The following ADCK1 variants were observed in gnomAD, a reference collection of about 807,000 sequenced individuals.
The protein encoded by ADCK1 is aarF domain-containing protein kinase 1.
In ADCK1, 41 loss-of-function variants were observed where a neutral mutation model predicts 52.3. The ratio of observed to expected loss-of-function variants is 0.78; its 90% CI spans 0.61 to 1.02. The LOEUF is 1.02. Among genes scored for constraint, ADCK1 ranks in the 50% least tolerant of loss-of-function variants. The probability of loss-of-function intolerance (pLI) is 0.00; values close to 1 mark genes in which losing one functional copy is unlikely to be tolerated. For missense variants in ADCK1, 658 were observed against 679.5 expected, an observed-to-expected ratio of 0.97 and a Z score of 0.35; for synonymous variants, 250 against 274.6, an observed-to-expected ratio of 0.91 and a Z score of 0.89.
intron 6 of ADCK1, among the ~76,000 whole-genome samples, chr14:77,907,085 T>G (rs1595066684): frequency 6.6e-6 from 1 of 152,194 alleles, no homozygotes; most frequent in East Asian, 1.9e-4. Context: ...GGCTAATTTT[T>G]GTATTTACTG....
At chr14:77,800,222 C>T (rs2081078614) in intron 1 of ADCK1, 52 bp downstream of exon 1, 1 of 152,314 alleles carries the variant, frequency 6.6e-6, no homozygotes, top group African/African-American at 2.4e-5. Flanking sequence ...GCCGACCAGC[C>T]TGGCAGGGCC....
chr14:77,930,517 C>T (rs2084303092), intron 9 of ADCK1, among the ~76,000 whole-genome samples: 1 of 152,094 alleles, frequency 6.6e-6, no homozygotes, highest in Non-Finnish European at 1.5e-5. Context: ...GATTAGAGGA[C>T]TTACCCAGAG....
At chr14:77,855,642 A>T (rs1309224707) in intron 3 of ADCK1, among the ~76,000 whole-genome samples, 1 of 152,158 alleles carries the variant, frequency 6.6e-6, no homozygotes, top group African/African-American at 2.4e-5. Context: ...GACCTTGCGG[A>T]CAGTGTGGGC....
intron 5 of ADCK1, among the ~76,000 whole-genome samples, chr14:77,889,007 G>C (rs143996037): frequency 9.1e-4 from 138 of 152,276 alleles, no homozygotes; most frequent in South Asian, 4.2e-3. Flanking sequence ...TTCCCATGCT[G>C]TTCTCATGAC....
chr14:77,889,631 G>A (rs999966415), intron 5 of ADCK1, among the ~76,000 whole-genome samples: 4 of 152,228 alleles, frequency 2.6e-5, no homozygotes, highest in African/African-American at 9.6e-5. Context: ...CTAGCTGGCA[G>A]CAAGTTGGCA....
In ADCK1 at chr14:77,923,884, G is replaced by A. The variant is rs898233721; in HGVS notation, c.859-573G>A. ...TTGGGCTCTGGCAGGGAGGGGAGCA[G>A]GGAGAGGGGAGGGGAGCAGGGAGAG... is the stretch of plus-strand genomic sequence containing the variant. On this transcript the variant is annotated intron_variant, in intron 7 of 10. Transcript: ENST00000238561. This position sits in a 1 kb window ranked among gnomAD's most constrained non-coding sequence, Gnocchi z 4.3. 1.3e-5 allele frequency: 2 copies of A among 153,414 alleles called. No individual in the cohort carries two copies. Among genetic ancestry groups the A allele is most frequent in the Non-Finnish European group, 2.9e-5 (2 of 68,952 alleles). The allele number at this position is 153,414 out of a possible 1,614,324, so 9.5% of individuals were successfully genotyped here.
At chr14:77,861,247 C>T (rs1466726319) in intron 4 of ADCK1, among the ~76,000 whole-genome samples, 1 of 152,178 alleles carries the variant, frequency 6.6e-6, no homozygotes, top group Non-Finnish European at 1.5e-5. Flanking sequence ...TCAGAGCCCT[C>T]TGGGTTCTTA....
At chr14:77,827,916 C>T in intron 3 of ADCK1, 1 of 387,464 alleles carries the variant, frequency 2.6e-6, no homozygotes, top group South Asian at 1.8e-5. Flanking sequence ...GCAACCTCTA[C>T]CTCCTGGGTT....
At chr14:77,830,559 C>T (rs1207034295) in intron 3 of ADCK1, among the ~76,000 whole-genome samples, 2 of 151,124 alleles carry the variant, frequency 1.3e-5, no homozygotes, top group Non-Finnish European at 3.0e-5. Context: ...TCCTAAACTG[C>T]TGGGATTACA....
chr14:77,836,410 C>A (rs533476184), intron 3 of ADCK1, among the ~76,000 whole-genome samples: 91 of 152,278 alleles, frequency 6.0e-4, no homozygotes, highest in African/African-American at 2.0e-3. Flanking sequence ...TTTACAGTAG[C>A]CCAATGAGGT....
rs1594968667 is a variant in ADCK1 at position 77,866,166 on chromosome 14, T to A, written c.423+6887T>A. Among the ~76,000 whole-genome samples, 2 of 152,236 alleles carry A rather than the reference T, an allele frequency of 1.3e-5. 1 individual carries two copies. Among genetic ancestry groups the A allele is most frequent in the East Asian group, 3.8e-4 (2 of 5,206 alleles). On this transcript the variant is annotated intron_variant, in intron 4 of 10. Transcript: ENST00000238561. Reference sequence around the variant, plus strand: ...ACTTTGGGTATATGGTATAGCCTGTTCTTTTCAGAATATGAGACTGAGGGA... The same window carrying A: ...ACTTTGGGTATATGGTATAGCCTGTACTTTTCAGAATATGAGACTGAGGGA...
chr14:77,855,556 T>C (rs1055032393), intron 3 of ADCK1, among the ~76,000 whole-genome samples: 2 of 152,212 alleles, frequency 1.3e-5, no homozygotes, highest in South Asian at 4.1e-4. Flanking sequence ...AACTGCAACT[T>C]GTTTTTTCCC....
chr14:77,883,030 CAG>C (rs2083066605), intron 4 of ADCK1, among the ~76,000 whole-genome samples: 1 of 142,352 alleles, frequency 7.0e-6, no homozygotes, highest in Non-Finnish European at 1.5e-5. Context: ...CACACACACA[CAG>C]AGAAAGAAAC....
intron 3 of ADCK1, among the ~76,000 whole-genome samples, chr14:77,826,841 G>T (rs886340017): frequency 2.6e-5 from 4 of 152,304 alleles, no homozygotes; most frequent in Non-Finnish European, 4.4e-5. Context: ...TTAGCCAGGT[G>T]ATCAGCGGAG....
At chr14:77,852,649 T>TTAAA (rs1258593104) in intron 3 of ADCK1, among the ~76,000 whole-genome samples, 74 of 41,450 alleles carry the variant, frequency 1.8e-3, no homozygotes, top group African/African-American at 5.0e-3. Context: ...CATTATTTCT[T>TTAAA]TAAATAAATA....
At chr14:77,902,548 AT>A (rs1017955300) in intron 6 of ADCK1, 8 of 152,026 alleles carry the variant, frequency 5.3e-5, no homozygotes, top group African/African-American at 1.9e-4. Context: ...TGCTTATTCC[AT>A]TTCTTTTATT....
rs145998705 is a variant in ADCK1, at chr14:77,803,771, A to G, written c.-12+3601A>G. Among the ~76,000 whole-genome samples the G allele has an allele frequency of 2.8e-3, 422 of 152,338 alleles. 3 individuals carry two copies. The highest frequency in any genetic ancestry group is 3.7e-3 in the Non-Finnish European group (253 of 68,034). On this transcript the variant is annotated intron_variant, in intron 1 of 10. Transcript: ENST00000238561. The stretch of plus-strand genomic sequence containing the variant: ...TGCCTGGCACTGGGTCAGAAATCAT[A>G]GTCTCTGCCCACAGCAACAGTTGCA...
At chr14:77,836,288 G>A (rs1229053675) in intron 3 of ADCK1, among the ~76,000 whole-genome samples, 1 of 152,170 alleles carries the variant, frequency 6.6e-6, no homozygotes, top group Non-Finnish European at 1.5e-5. Context: ...ACAATGTTTT[G>A]TTTTGTTTTT....
intron 4 of ADCK1, among the ~76,000 whole-genome samples, chr14:77,882,640 GT>G (rs1276713675): frequency 2.6e-4 from 40 of 152,374 alleles, no homozygotes; most frequent in Middle Eastern, 3.4e-3. Context: ...TGGAGGGGCT[GT>G]TTAAGGTACT....
Sources: allele counts gnomAD v4.1 joint callset (sites outside exome capture counted in the v4.1 genomes callset), GRCh38; gene constraint gnomAD v4.1.1; non-coding constraint Gnocchi (gnomAD v3.1); transcripts MANE v1.5; gene names NCBI Gene and HGNC (gene_info 2026-07-23, HGNC 2026-07-21).